LYST: variants seen among roughly 807,000 people sequenced by gnomAD.
LYST encodes the protein lysosomal-trafficking regulator.
Under a neutral mutation model 413.6 loss-of-function variants are expected in LYST, and 192 were observed. The observed-to-expected ratio is 0.46, with a 90% CI of 0.41 to 0.52. The LOEUF (loss-of-function observed/expected upper bound fraction) is 0.52. Among genes scored for constraint, LYST ranks in the 20% least tolerant of loss-of-function variants. The pLI, the probability that LYST is intolerant of heterozygous loss-of-function variation, is 0.00. For missense variants in LYST, 3,815 were observed against 4,499.9 expected (o/e 0.85, Z 4.35); for synonymous variants, 1,525 against 1,567.3 (o/e 0.97, Z 0.64).
At position 235,854,186 on chromosome 1, in the gene LYST, G is replaced by A. The variant is rs546058355; in HGVS notation, c.-98+12657C>T. On this transcript the variant is annotated intron_variant, in intron 1 of 52. Transcript: ENST00000389793. The surrounding 1 kb of genome is among the most constrained non-coding windows in gnomAD (Gnocchi z 4.1). ...TACTACACATCAGGCACTATTGTAA[G>A]CACTCTAGGTAAGTAGAGTAGTTAG... Among the ~76,000 whole-genome samples the A allele has an allele frequency of 3.3e-5, 5 of 152,254 alleles. No homozygotes were observed. Among genetic ancestry groups the A allele is most frequent in the Non-Finnish European group, 1.5e-5 (1 of 68,010 alleles).
At position 235,782,016 on chromosome 1, in the gene LYST, A is replaced by C. The variant is rs1168909911; in HGVS notation, c.4934T>G (p.Phe1645Cys). Residue 1645 changes from phenylalanine to cysteine, a missense_variant, in exon 15 of 53, where the codon TTT (phenylalanine) becomes TGT (cysteine). Physicochemically the swap from Phe to Cys is radical, Grantham distance 205. Transcript: ENST00000389793. ...TGATAAACAATGGCCAATCATGCAA[A>C]ATGTTTTATTGCTATCAGATGACAA... ...TSLSSDSNKT[F>C]CMIGHCLSSQ... The C allele has an allele frequency of 9.9e-6, 16 of 1,613,034 alleles. No individual in the cohort carries two copies. The highest frequency in any genetic ancestry group is 1.4e-5 in the Non-Finnish European group (16 of 1,179,158).
At chr1:235,690,025 A>C (rs933073335) in intron 47 of LYST, among the ~76,000 whole-genome samples, 12 of 152,214 alleles carry the variant, frequency 7.9e-5, no homozygotes, top group Admixed American at 2.0e-4. Context: ...AACAGTACCC[A>C]ACTCTTAAAT....
intron 24 of LYST, among the ~76,000 whole-genome samples, chr1:235,756,150 A>G (rs1231768630): frequency 6.6e-6 from 1 of 151,948 alleles, no homozygotes; most frequent in Admixed American, 6.6e-5. Flanking sequence ...ACCCTTCTCT[A>G]GCATCTTAAA....
Position 235,720,848 on chromosome 1 carries a change from A to G in LYST, c.9373T>C (p.Tyr3125His). 6.2e-7 allele frequency: 1 copy of G among 1,613,604 alleles called. No homozygotes were observed. The highest frequency in any genetic ancestry group is 8.5e-7 in the Non-Finnish European group (1 of 1,179,520). ...TTTGTCAGAGCGGTGATGTTACCAT[A>G]TTCCAGAAGATTAGGGAGGTTATTT... ...LTNNLPNLLE[Y>H]GNITALTNLW... The change falls in exon 40 of 53, where the codon TAT becomes CAT. Residue 3125 changes from tyrosine to histidine, a missense_variant. Coordinates refer to ENST00000389793, the MANE Select transcript of LYST (RefSeq NM_000081.4).
intron 28 of LYST, among the ~76,000 whole-genome samples, chr1:235,749,911 T>C (rs966670409): frequency 1.3e-5 from 2 of 152,126 alleles, no homozygotes; most frequent in African/African-American, 2.4e-5. Flanking sequence ...AAGAGGACTA[T>C]TGTGTTAGCC....
intron 3 of LYST, among the ~76,000 whole-genome samples, chr1:235,815,860 C>T (rs1673999080): frequency 6.6e-6 from 1 of 151,994 alleles, no homozygotes; most frequent in African/African-American, 2.4e-5. Context: ...GGGCCGGGCG[C>T]GGTGGCTCAC....
intron 31 of LYST, chr1:235,735,585 T>A: frequency 6.6e-6 from 1 of 152,254 alleles, no homozygotes; most frequent in Non-Finnish European, 1.5e-5. Context: ...TAGACAATAA[T>A]GTTGCCAACA....
At chr1:235,827,609 A>G (rs1209745196) in intron 3 of LYST, 7 of 984,062 alleles carry the variant, frequency 7.1e-6, no homozygotes, top group Non-Finnish European at 8.4e-6. Context: ...TCCTAATTGA[A>G]AGAACTAAAT....
intron 3 of LYST, among the ~76,000 whole-genome samples, chr1:235,825,473 T>C (rs1572382118): frequency 6.6e-6 from 1 of 152,192 alleles, no homozygotes; most frequent in Non-Finnish European, 1.5e-5. Context: ...CAAGATCTAA[T>C]GAATGAATTT....
intron 3 of LYST, among the ~76,000 whole-genome samples, chr1:235,824,268 G>A (rs991307611): frequency 6.6e-6 from 1 of 152,176 alleles, no homozygotes; most frequent in Non-Finnish European, 1.5e-5. Flanking sequence ...TCCACAGAGT[G>A]CAATAGGTAT....
At chr1:235,768,910 G>C (rs1668392089) in intron 20 of LYST, among the ~76,000 whole-genome samples, 1 of 151,920 alleles carries the variant, frequency 6.6e-6, no homozygotes, top group South Asian at 2.1e-4. Flanking sequence ...TTTACCACAG[G>C]GGCCAAGAAA....
chr1:235,761,849 G>A (rs771180171), intron 22 of LYST, among the ~76,000 whole-genome samples: 4 of 151,292 alleles, frequency 2.6e-5, no homozygotes, highest in Non-Finnish European at 5.9e-5. Context: ...TTTTCAGCAT[G>A]TCAGAACTCC....
At chr1:235,774,713 T>C (rs1037924149) in intron 18 of LYST, among the ~76,000 whole-genome samples, 200 bp downstream of exon 18, 8 of 152,182 alleles carry the variant, frequency 5.3e-5, no homozygotes, top group African/African-American at 1.9e-4. Flanking sequence ...TAAAAAATGC[T>C]TTAAAGAAAA....
chr1:235,795,231 G>C (rs771096844), intron 10 of LYST, among the ~76,000 whole-genome samples: 7 of 152,260 alleles, frequency 4.6e-5, no homozygotes, highest in Non-Finnish European at 8.8e-5. Context: ...TCTCAGTACA[G>C]AGCACAGATA....
chr1:235,721,898 G>C (rs935902077), intron 39 of LYST, among the ~76,000 whole-genome samples: 1 of 152,114 alleles, frequency 6.6e-6, no homozygotes, highest in Non-Finnish European at 1.5e-5. Flanking sequence ...CATTCTACTG[G>C]GGAGAGGCAG....
chr1:235,730,567 ATGTGTGTGTGTGTGTGTGTG>A (rs4006790), intron 36 of LYST, among the ~76,000 whole-genome samples: 266 of 137,550 alleles, frequency 1.9e-3, no homozygotes, highest in African/African-American at 3.9e-3. Flanking sequence ...ACATATTTAT[ATGTGTGTGTGTGTGTGTGTG>A]TGTGTGTGTG....
chr1:235,727,765 T>C (rs1013079298), intron 38 of LYST, among the ~76,000 whole-genome samples: 1 of 152,060 alleles, frequency 6.6e-6, no homozygotes, highest in African/African-American at 2.4e-5. Context: ...GAACTGGGAG[T>C]GGCAAGGAAT....
At chr1:235,704,172 T>C (rs1474405447) in intron 44 of LYST, among the ~76,000 whole-genome samples, 1 of 152,218 alleles carries the variant, frequency 6.6e-6, no homozygotes, top group East Asian at 1.9e-4. Context: ...GCCATTTAGG[T>C]TGATTCCATG....
Position 235,661,932 on chromosome 1 carries a change from G to A in LYST, c.*1008C>T, listed in dbSNP as rs1208777142. On this transcript the variant is annotated 3_prime_UTR_variant, in exon 53 of 53. Transcript: ENST00000389793. ...TTCCTAGAATTCTCAGATGGTATAG[G>A]TTAGTAGAAACAGAATGAAATGGTT... 6.6e-6 allele frequency: 1 copy of A among 152,310 alleles called. No homozygotes were observed. The highest frequency in any genetic ancestry group is 1.5e-5 in the Non-Finnish European group (1 of 68,032). The allele number at this position is 152,310 out of a possible 1,614,324, so 9.4% of individuals were successfully genotyped here.
Sources: gnomAD v4.1 joint callset for allele counts (sites outside exome capture counted in the v4.1 genomes callset) on GRCh38, gnomAD v4.1.1 for gene constraint, Gnocchi (gnomAD v3.1) non-coding constraint, MANE v1.5 for transcripts, NCBI Gene and HGNC (gene_info 2026-07-23, HGNC 2026-07-21) for gene names.